The following DLC1 variants were observed in gnomAD, a reference collection of about 807,000 sequenced individuals.
The protein encoded by DLC1 is DLC1 Rho GTPase activating protein.
DLC1 carries 54 observed loss-of-function variants against 140.3 expected under a neutral mutation model. That is an observed-to-expected ratio of 0.38 (90% CI 0.31 to 0.48). The LOEUF (loss-of-function observed/expected upper bound fraction) is 0.48, where lower values mean the gene tolerates loss of function less well. DLC1 is among the 20% of genes least tolerant of loss of function. The pLI, the probability that DLC1 is intolerant of heterozygous loss-of-function variation, is 0.96. For synonymous variants in DLC1, 986 were observed against 728.1 expected, an observed-to-expected ratio of 1.35 and a Z score of -5.70; for missense variants, 2,536 against 1,907.0, an observed-to-expected ratio of 1.33 and a Z score of -6.14.
At chr8:13,342,666 A>G (rs1834119736) in intron 4 of DLC1, 1 of 152,364 alleles carries the variant, frequency 6.6e-6, no homozygotes, top group Non-Finnish European at 1.5e-5. Flanking sequence ...AACTCTTAGC[A>G]GAACTTCCAG....
intron 5 of DLC1, among the ~76,000 whole-genome samples, chr8:13,185,394 A>G (rs762763620): frequency 6.6e-6 from 1 of 151,330 alleles, no homozygotes; most frequent in Non-Finnish European, 1.5e-5. Context: ...TGAAAGCTCC[A>G]TCTCCTGGGT....
chr8:13,094,492 C>T (rs1474238366), intron 12 of DLC1, among the ~76,000 whole-genome samples: 1 of 151,990 alleles, frequency 6.6e-6, no homozygotes, highest in Non-Finnish European at 1.5e-5. Flanking sequence ...ATGGTGAAAC[C>T]CTATCTCTGC....
At chr8:13,388,381 C>G (rs1160930888) in intron 4 of DLC1, among the ~76,000 whole-genome samples, 6 of 151,984 alleles carry the variant, frequency 3.9e-5, no homozygotes, top group Non-Finnish European at 7.4e-5. Context: ...TCAGATCATT[C>G]CAGAGCTGAA....
chr8:13,102,729 T>G, intron 8 of DLC1, 61 bp downstream of exon 8: 1 of 1,413,772 alleles, frequency 7.1e-7, no homozygotes, highest in Non-Finnish European at 1.0e-6. Flanking sequence ...ACAAAACACA[T>G]CATTCACTTT....
chr8:13,574,270 T>TA (rs1383875204), intron 1 of DLC1, among the ~76,000 whole-genome samples: 1 of 152,168 alleles, frequency 6.6e-6, no homozygotes, highest in Non-Finnish European at 1.5e-5. Context: ...ACAATTAACA[T>TA]AAAAATATAT....
At chr8:13,359,417 A>G (rs372193335) in intron 4 of DLC1, among the ~76,000 whole-genome samples, 5 of 152,162 alleles carry the variant, frequency 3.3e-5, no homozygotes, top group Non-Finnish European at 7.3e-5. Context: ...AAGACTTGGG[A>G]CTCAAATTAT....
At chr8:13,115,898 G>C (rs935242139) in intron 5 of DLC1, among the ~76,000 whole-genome samples, 2 of 152,174 alleles carry the variant, frequency 1.3e-5, no homozygotes, top group Admixed American at 1.3e-4. Flanking sequence ...GGGGTCCTGA[G>C]AGTAAGTTTC....
intron 4 of DLC1, chr8:13,338,708 T>C (rs2116973201): frequency 6.6e-6 from 1 of 152,240 alleles, no homozygotes; most frequent in Admixed American, 6.5e-5. Flanking sequence ...CTTGAAGGGC[T>C]CACCTCATCC....
intron 1 of DLC1, among the ~76,000 whole-genome samples, chr8:13,530,507 G>A (rs1255782270): frequency 6.6e-6 from 1 of 152,118 alleles, no homozygotes; most frequent in Non-Finnish European, 1.5e-5. Context: ...CTGTGTGTGT[G>A]CATCTGTATG....
Position 13,297,282 on chromosome 8 carries a change from T to TAAAAAAAAAAAAAAAAAAAAAA in DLC1, c.1348+7986_1348+7987insTTTTTTTTTTTTTTTTTTTTTT, listed in dbSNP as rs60048506. On this transcript the variant is annotated intron_variant, in intron 5 of 17. Coordinates refer to ENST00000276297, the MANE Select transcript of DLC1 (RefSeq NM_182643.3). ...CAGGCAAGCAGAGGCCTTCATACAT[T>TAAAAAAAAAAAAAAAAAAAAAA]AAAAAAAAAAAAAACTGAAGCAAGT... 3.4e-3 allele frequency among the ~76,000 whole-genome samples: 33 copies of TAAAAAAAAAAAAAAAAAAAAAA among 9,632 alleles called. 12 individuals are homozygous for TAAAAAAAAAAAAAAAAAAAAAA. The highest frequency in any genetic ancestry group is 0.016 in the East Asian group (4 of 244). 6.3% of individuals were successfully genotyped at this position (9,632 alleles called of 152,430 possible).
chr8:13,535,650 C>T (rs1345430971), intron 1 of DLC1, among the ~76,000 whole-genome samples: 2 of 109,734 alleles, frequency 1.8e-5, no homozygotes, highest in East Asian at 2.8e-4. Flanking sequence ...TAAGTGAGGG[C>T]GTGGGGATCA....
In DLC1 at chr8:13,133,089, G is replaced by A. The variant is rs1026834960; in HGVS notation, c.1349-17432C>T. 3 of 1,514,740 alleles carry A rather than the reference G, an allele frequency of 2.0e-6. No individual in the cohort carries two copies. In the Admixed American group the frequency reaches 6.5e-5, roughly 33 times the overall value. The allele number at this position is 1,514,740 out of a possible 1,614,324, so 93.8% of individuals were successfully genotyped here. The stretch of plus-strand genomic sequence containing the variant: ...CGGCACCCGAGACGCGCGCCCTCGC[G>A]GTCCTCAACGCATCCTTGCTCGCCG... On this transcript the variant is annotated intron_variant, in intron 5 of 17. Coordinates refer to ENST00000276297, the MANE Select transcript of DLC1 (RefSeq NM_182643.3).
chr8:13,229,391 A>G (rs536267613), intron 5 of DLC1, among the ~76,000 whole-genome samples: 25 of 152,292 alleles, frequency 1.6e-4, no homozygotes, highest in African/African-American at 6.0e-4. Context: ...AGACTAATCC[A>G]TAGAGGCAGA....
At chr8:13,307,971 A>T (rs1832522639) in intron 4 of DLC1, among the ~76,000 whole-genome samples, 1 of 152,236 alleles carries the variant, frequency 6.6e-6, no homozygotes, top group Non-Finnish European at 1.5e-5. Flanking sequence ...CTCTATAGGA[A>T]TATTTTGTAT....
chr8:13,381,390 G>C (rs289515), intron 4 of DLC1, among the ~76,000 whole-genome samples: 101,477 of 152,096 alleles, frequency 0.67, 34,408 homozygotes, highest in East Asian at 0.84. Context: ...TAGCTAATCT[G>C]CAATACATCC....
chr8:13,582,330 C>G (rs1004628059), intron 1 of DLC1, among the ~76,000 whole-genome samples: 6 of 152,184 alleles, frequency 3.9e-5, no homozygotes, highest in Non-Finnish European at 8.8e-5. Flanking sequence ...TAAATGTCAA[C>G]TTGATTGGAT....
In DLC1 at chr8:13,095,462, T is replaced by C. The variant is rs929422128; in HGVS notation, c.3168-217A>G. 1.5e-5 allele frequency: 9 copies of C among 587,544 alleles called. No individual in the cohort carries two copies. The East Asian group carries it at 2.3e-4, about 15-fold the overall frequency. The allele number at this position is 587,544 out of a possible 1,614,324, so 36.4% of individuals were successfully genotyped here. A position where few individuals can be genotyped will look rare whatever the true frequency, so the allele number is the denominator to read the frequency against. On this transcript the variant is annotated intron_variant, in intron 10 of 17. Coordinates refer to ENST00000276297, the MANE Select transcript of DLC1 (RefSeq NM_182643.3). Reference sequence around the variant, plus strand: ...TCTTTTGTGCTCAGTACCTACTGTATTGGCCTGTGCAGATAAAGAACATTC... The same window carrying C: ...TCTTTTGTGCTCAGTACCTACTGTACTGGCCTGTGCAGATAAAGAACATTC...
At chr8:13,325,640 C>G (rs189606440) in intron 4 of DLC1, among the ~76,000 whole-genome samples, 1 of 152,126 alleles carries the variant, frequency 6.6e-6, no homozygotes, top group South Asian at 2.1e-4. Flanking sequence ...AGACCAACCT[C>G]TGAAAACATG....
intron 1 of DLC1, among the ~76,000 whole-genome samples, chr8:13,570,955 T>C (rs1166720128): frequency 6.6e-6 from 1 of 152,168 alleles, no homozygotes; most frequent in Non-Finnish European, 1.5e-5. Flanking sequence ...GACAGGTATC[T>C]TGGGATGAGA....
Sources: gnomAD v4.1 joint callset for allele counts (sites outside exome capture counted in the v4.1 genomes callset) on GRCh38, gnomAD v4.1.1 for gene constraint, MANE v1.5 for transcripts, NCBI Gene and HGNC (gene_info 2026-07-23, HGNC 2026-07-21) for gene names.